Variants in FAM227B observed in about 807,000 individuals in gnomAD.
FAM227B encodes the protein family with sequence similarity 227 member B.
In FAM227B, 88 loss-of-function variants were observed where a neutral mutation model predicts 73.8. The observed-to-expected ratio is 1.19, with a 90% CI of 1.00 to 1.42. The LOEUF is 1.42. FAM227B is among the 40% of genes most tolerant of loss of function. FAM227B has a pLI of 0.00. For synonymous variants in FAM227B, 210 were observed against 190.5 expected, an observed-to-expected ratio of 1.10 and a Z score of -0.84; for missense variants, 632 against 590.9, an observed-to-expected ratio of 1.07 and a Z score of -0.72.
rs549573630 is a variant in FAM227B at position 49,568,268 on chromosome 15, T to C, written c.724A>G (p.Ser242Gly). 1.1e-4 allele frequency: 172 copies of C among 1,609,160 alleles called. 2 individuals carry two copies. The South Asian group carries it at 1.5e-3, about 14-fold the overall frequency. ...ACCTGAAAAAATGCATCCTTTCGAC[T>C]TAGAGGTATGCTCATGAAAAGTGTC... ...YVTLFMSIPL[S>G]RKDAFFQIYP... The change falls in exon 9 of 16, where the codon AGT becomes GGT. Residue 242 changes from serine to glycine, a missense_variant. Physicochemically the swap from Ser to Gly is moderately conservative, Grantham distance 56. Coordinates refer to ENST00000299338, the MANE Select transcript of FAM227B (RefSeq NM_152647.3).
chr15:49,548,505 T>A (rs2072296476), intron 9 of FAM227B, among the ~76,000 whole-genome samples: 1 of 152,222 alleles, frequency 6.6e-6, no homozygotes, highest in Non-Finnish European at 1.5e-5. Context: ...TGTGCCTTTG[T>A]CTAGTTTTGG....
At chr15:49,501,147 A>G (rs1597651812) in intron 11 of FAM227B, among the ~76,000 whole-genome samples, 1 of 152,220 alleles carries the variant, frequency 6.6e-6, no homozygotes, top group Non-Finnish European at 1.5e-5. Context: ...GGAGTAGGGC[A>G]TTGCTATAAA....
chr15:49,479,683 G>A (rs997519473), intron 11 of FAM227B, among the ~76,000 whole-genome samples: 12 of 136,228 alleles, frequency 8.8e-5, no homozygotes, highest in East Asian at 6.9e-4. Flanking sequence ...GTGAAATCTC[G>A]GCTCACTGCA....
chr15:49,476,232 G>GTTTTTTTTTTTTTTTTTTTTTTTTTT lies in FAM227B; in HGVS notation c.1012+31978_1012+31979insAAAAAAAAAAAAAAAAAAAAAAAAAA. 2.2e-3 allele frequency among the ~76,000 whole-genome samples: 129 copies of GTTTTTTTTTTTTTTTTTTTTTTTTTT among 57,430 alleles called. 28 individuals carry two copies. Among genetic ancestry groups the GTTTTTTTTTTTTTTTTTTTTTTTTTT allele is most frequent in the Middle Eastern group, 9.8e-3 (1 of 102 alleles). 37.7% of individuals were successfully genotyped at this position (57,430 alleles called of 152,430 possible). On this transcript the variant is annotated intron_variant, in intron 11 of 15. Transcript: ENST00000299338. Reference sequence around the variant, plus strand: ...TTGCTGTTTTGTTTTTTTGTTTTTGGTTTTTTTTTTTTTGCATTTGGCATA... The same window carrying GTTTTTTTTTTTTTTTTTTTTTTTTTT: ...TTGCTGTTTTGTTTTTTTGTTTTTGGTTTTTTTTTTTTTTTTTTTTTTTTTTTTTTTTTTTTTTTGCATTTGGCATA...
intron 11 of FAM227B, among the ~76,000 whole-genome samples, chr15:49,384,111 G>A (rs1393029910): frequency 6.6e-6 from 1 of 152,028 alleles, no homozygotes; most frequent in Non-Finnish European, 1.5e-5. Context: ...TATCCTGCAA[G>A]GTAGGACTTC....
At position 49,359,053 on chromosome 15, in the gene FAM227B, C is replaced by G. The variant is rs1052866462; in HGVS notation, c.1271+8395G>C. On this transcript the variant is annotated intron_variant, in intron 13 of 15. Coordinates refer to ENST00000299338, the MANE Select transcript of FAM227B (RefSeq NM_152647.3). The stretch of plus-strand genomic sequence containing the variant: ...TAGCCATATGTATAAAGCTGAAACT[C>G]GATCCCTTCCTTACACCTTATACAA... Among the ~76,000 whole-genome samples the G allele has an allele frequency of 5.0e-3, 766 of 151,734 alleles. 5 individuals carry two copies. Among genetic ancestry groups the G allele is most frequent in the African/African-American group, 0.017 (716 of 41,194 alleles).
Position 49,498,330 on chromosome 15 carries a change from AGAT to A in FAM227B, c.1012+9878_1012+9880del, listed in dbSNP as rs567827025. 9.8e-5 allele frequency among the ~76,000 whole-genome samples: 15 copies of A among 152,332 alleles called. No homozygotes were observed. The East Asian group carries it at 2.9e-3, about 29-fold the overall frequency. ...GTGGTTTTGTCACTTATAAAAATGA[AGAT>A]GATAATAAAAGTCACCTGTCACATA... On this transcript the variant is annotated intron_variant, in intron 11 of 15. Transcript: ENST00000299338.
At chr15:49,421,005 C>T (rs1426012583) in intron 11 of FAM227B, among the ~76,000 whole-genome samples, 1 of 152,054 alleles carries the variant, frequency 6.6e-6, no homozygotes, top group African/African-American at 2.4e-5. Flanking sequence ...CATGCTGGGC[C>T]AGTTAATTCT....
At chr15:49,476,527 C>A (rs1209291831) in intron 11 of FAM227B, among the ~76,000 whole-genome samples, 4 of 151,918 alleles carry the variant, frequency 2.6e-5, no homozygotes, top group African/African-American at 9.7e-5. Flanking sequence ...TCTTTACTGT[C>A]CATATTTCAC....
At chr15:49,473,192 T>C (rs1317911821) in intron 11 of FAM227B, among the ~76,000 whole-genome samples, 2 of 152,172 alleles carry the variant, frequency 1.3e-5, no homozygotes, top group African/African-American at 2.4e-5. Context: ...GCCAGGAATT[T>C]AGAAAGATGA....
chr15:49,496,009 C>A (rs867355050), intron 11 of FAM227B, among the ~76,000 whole-genome samples: 1 of 151,786 alleles, frequency 6.6e-6, no homozygotes, highest in Admixed American at 6.6e-5. Flanking sequence ...GGTGACAGAG[C>A]GAGACTCTGT....
At chr15:49,377,251 T>C (rs1483799979) in intron 11 of FAM227B, among the ~76,000 whole-genome samples, 1 of 152,152 alleles carries the variant, frequency 6.6e-6, no homozygotes, top group Non-Finnish European at 1.5e-5. Flanking sequence ...ACACATTTTC[T>C]TATTCTTTCA....
At chr15:49,464,606 T>C (rs558500399) in intron 11 of FAM227B, among the ~76,000 whole-genome samples, 1 of 152,298 alleles carries the variant, frequency 6.6e-6, no homozygotes, top group South Asian at 2.1e-4. Flanking sequence ...TTATACAAGA[T>C]AAAAGTCACT....
At chr15:49,357,338 CA>C (rs1399059044) in intron 13 of FAM227B, among the ~76,000 whole-genome samples, 6 of 148,976 alleles carry the variant, frequency 4.0e-5, no homozygotes, top group Admixed American at 2.0e-4. Context: ...AGACCGCTAG[CA>C]AGACTAATAA....
Position 49,365,854 on chromosome 15 carries a change from G to T in FAM227B, c.1271+1594C>A, listed in dbSNP as rs1006108902. On this transcript the variant is annotated intron_variant, in intron 13 of 15. Coordinates refer to ENST00000299338, the MANE Select transcript of FAM227B (RefSeq NM_152647.3). The stretch of plus-strand genomic sequence containing the variant: ...CATGCTTTTGCCGCGACACTCAATT[G>T]TGCATTGTCCATATGGCATCTTATG... 3.1e-5 allele frequency: 28 copies of T among 900,720 alleles called. No homozygotes were observed. In the African/African-American group the frequency reaches 3.9e-4, roughly 13 times the overall value. 55.8% of individuals were successfully genotyped at this position (900,720 alleles called of 1,614,324 possible). A position where few individuals can be genotyped will look rare whatever the true frequency, so the allele number is the denominator to read the frequency against.
At chr15:49,421,998 G>C (rs1266754916) in intron 11 of FAM227B, among the ~76,000 whole-genome samples, 1 of 152,136 alleles carries the variant, frequency 6.6e-6, no homozygotes, top group Non-Finnish European at 1.5e-5. Flanking sequence ...TCTTCATTCT[G>C]TTCCCTAAAG....
At chr15:49,519,345 C>T (rs1252988747) in intron 10 of FAM227B, among the ~76,000 whole-genome samples, 2 of 152,202 alleles carry the variant, frequency 1.3e-5, no homozygotes, top group East Asian at 3.9e-4. Flanking sequence ...CTCACAGCTC[C>T]ACTAGGCAGT....
chr15:49,594,939 TG>T (rs996400397), intron 3 of FAM227B, among the ~76,000 whole-genome samples: 6 of 152,116 alleles, frequency 3.9e-5, no homozygotes, highest in African/African-American at 1.4e-4. Flanking sequence ...ATTTTAGGAC[TG>T]TTTTTTCTAG....
intron 11 of FAM227B, among the ~76,000 whole-genome samples, chr15:49,396,655 C>G (rs543211044): frequency 1.4e-4 from 22 of 151,840 alleles, no homozygotes; most frequent in African/African-American, 4.4e-4. Flanking sequence ...GATCTGAGAA[C>G]GGGCAGACTG....
Sources: allele counts gnomAD v4.1 joint callset (sites outside exome capture counted in the v4.1 genomes callset), GRCh38; gene constraint gnomAD v4.1.1; transcripts MANE v1.5; gene names NCBI Gene and HGNC (gene_info 2026-07-23, HGNC 2026-07-21).